DLGAP1: variants seen among roughly 807,000 people sequenced by gnomAD.
DLGAP1 encodes the protein DLG associated protein 1.
Under a neutral mutation model 90.8 loss-of-function variants are expected in DLGAP1, and 11 were observed. That is an observed-to-expected ratio of 0.12 (90% CI 0.08 to 0.20). DLGAP1 has a LOEUF of 0.20. Ranked by LOEUF, DLGAP1 falls within the 10% of genes least tolerant of loss-of-function variation. DLGAP1 has a pLI of 1.00. For missense variants in DLGAP1, 1,050 were observed against 1,333.8 expected (o/e 0.79, Z 3.31); for synonymous variants, 558 against 540.7 (o/e 1.03, Z -0.44).
intron 4 of DLGAP1, among the ~76,000 whole-genome samples, chr18:3,840,840 C>A (rs532255735): frequency 6.6e-6 from 1 of 152,200 alleles, no homozygotes; most frequent in Non-Finnish European, 1.5e-5. Flanking sequence ...AAAGAGCATT[C>A]AAATCTAGGT....
intron 4 of DLGAP1, among the ~76,000 whole-genome samples, chr18:3,828,703 T>C (rs1433861426): frequency 6.6e-6 from 1 of 150,424 alleles, no homozygotes; most frequent in African/African-American, 2.4e-5. Context: ...AAAAAAACTT[T>C]CAAGAACAAT....
intron 1 of DLGAP1, among the ~76,000 whole-genome samples, chr18:4,205,205 G>A (rs180951752): frequency 2.6e-5 from 4 of 152,174 alleles, no homozygotes; most frequent in East Asian, 1.9e-4. Flanking sequence ...AGATGTTCTC[G>A]GGAGGTTAAG....
At chr18:4,071,931 G>A (rs1333126646) in intron 2 of DLGAP1, among the ~76,000 whole-genome samples, 5 of 152,176 alleles carry the variant, frequency 3.3e-5, no homozygotes, top group African/African-American at 9.7e-5. Context: ...AGGAGTTTCA[G>A]TTAGACTTAT....
At chr18:4,253,416 T>A (rs2078823601) in intron 1 of DLGAP1, among the ~76,000 whole-genome samples, 1 of 152,196 alleles carries the variant, frequency 6.6e-6, no homozygotes, top group Admixed American at 6.5e-5. Context: ...TTTATTTATT[T>A]TATATATGTT....
In DLGAP1 at chr18:3,797,359, GCT is replaced by G. The variant is rs35122272; in HGVS notation, c.1172+16698_1172+16699del. 2.7e-3 allele frequency among the ~76,000 whole-genome samples: 413 copies of G among 151,730 alleles called. 9 individuals carry two copies. The highest frequency in any genetic ancestry group is 0.024 in the Admixed American group (359 of 15,230). On this transcript the variant is annotated intron_variant, in intron 5 of 12. Transcript: ENST00000315677. ...AAAAAAAGAAGAAGAACACTCAAGA[GCT>G]CTCTCTCTGTCTGCCACGTCAAGAC...
intron 1 of DLGAP1, among the ~76,000 whole-genome samples, chr18:4,200,448 CAA>C (rs2077587243): frequency 6.6e-6 from 1 of 151,628 alleles, no homozygotes; most frequent in Non-Finnish European, 1.5e-5. Context: ...TCTACCTTGT[CAA>C]GTTACCAACA....
At chr18:3,641,664 T>C (rs1381533111) in intron 7 of DLGAP1, among the ~76,000 whole-genome samples, 3 of 151,474 alleles carry the variant, frequency 2.0e-5, no homozygotes, top group African/African-American at 7.3e-5. Flanking sequence ...AGTAGATTGG[T>C]TTTTCTGTAA....
intron 1 of DLGAP1, among the ~76,000 whole-genome samples, chr18:4,215,690 C>G (rs1413402607): frequency 3.9e-5 from 6 of 152,062 alleles, no homozygotes; most frequent in Non-Finnish European, 8.8e-5. Context: ...TTTGGGGCAT[C>G]CTTACTATGC....
chr18:4,116,472 C>T (rs2076065675), intron 2 of DLGAP1, among the ~76,000 whole-genome samples: 1 of 152,036 alleles, frequency 6.6e-6, no homozygotes, highest in Non-Finnish European at 1.5e-5. Context: ...TCTGGCACTT[C>T]TATTATGCAT....
At chr18:3,876,151 C>A (rs774221196) in intron 4 of DLGAP1, among the ~76,000 whole-genome samples, 3 of 152,106 alleles carry the variant, frequency 2.0e-5, no homozygotes, top group Non-Finnish European at 2.9e-5. Flanking sequence ...CTAACCCTAT[C>A]TTCCTCAGCA....
At chr18:3,979,145 ATGG>A (rs898352758) in intron 3 of DLGAP1, among the ~76,000 whole-genome samples, 2 of 152,218 alleles carry the variant, frequency 1.3e-5, no homozygotes, top group African/African-American at 4.8e-5. Context: ...AAAAACCACT[ATGG>A]TCATGCACCA....
At chr18:3,541,273 AAAG>A (rs766842426) in intron 9 of DLGAP1, among the ~76,000 whole-genome samples, 4 of 152,310 alleles carry the variant, frequency 2.6e-5, no homozygotes, top group East Asian at 1.9e-4. Context: ...TGGCAGAAAG[AAAG>A]AAGAAGGGAA....
At position 4,088,901 on chromosome 18, in the gene DLGAP1, A is replaced by ATG. The variant is rs549506896; in HGVS notation, c.-159+62277_-159+62278dup. On this transcript the variant is annotated intron_variant, in intron 2 of 12. Transcript: ENST00000315677. ...CCTTGAAAACTGGCACAAGACAAGG[A>ATG]TGCCCTCTCTCACCACTCCTATTCA... Among the ~76,000 whole-genome samples, 107 of 152,324 alleles carry ATG rather than the reference A, an allele frequency of 7.0e-4. 2 individuals are homozygous for ATG. Among genetic ancestry groups the ATG allele is most frequent in the South Asian group, 6.2e-3 (30 of 4,822 alleles).
At chr18:3,868,553 T>C (rs1050664977) in intron 4 of DLGAP1, among the ~76,000 whole-genome samples, 2 of 152,222 alleles carry the variant, frequency 1.3e-5, no homozygotes, top group Non-Finnish European at 2.9e-5. Flanking sequence ...GTCCATAGGA[T>C]GATCTCTATC....
At chr18:4,020,874 G>A (rs2074597370) in intron 2 of DLGAP1, among the ~76,000 whole-genome samples, 1 of 152,162 alleles carries the variant, frequency 6.6e-6, no homozygotes, top group African/African-American at 2.4e-5. Flanking sequence ...CATTACTGTT[G>A]TAAACCCTAA....
intron 2 of DLGAP1, among the ~76,000 whole-genome samples, chr18:4,040,648 C>T (rs2074960389): frequency 6.6e-6 from 1 of 152,188 alleles, no homozygotes; most frequent in African/African-American, 2.4e-5. Context: ...GGACTCATTT[C>T]AGCCAAGGTA....
intron 1 of DLGAP1, among the ~76,000 whole-genome samples, chr18:4,270,037 A>G (rs1317437398): frequency 6.6e-6 from 1 of 152,222 alleles, no homozygotes; most frequent in East Asian, 1.9e-4. Flanking sequence ...TTACAGTAGC[A>G]TAGTTTAAAT....
At chr18:3,631,147 A>AT (rs796807690) in intron 7 of DLGAP1, among the ~76,000 whole-genome samples, 1,619 of 142,024 alleles carry the variant, frequency 0.011, 33 homozygotes, top group African/African-American at 0.037. Flanking sequence ...CGCCCAGTTA[A>AT]TTTTTTTTTT....
intron 1 of DLGAP1, among the ~76,000 whole-genome samples, chr18:4,276,746 A>T (rs1016481612): frequency 6.6e-6 from 1 of 152,198 alleles, no homozygotes. Context: ...TCTATTTTTT[A>T]TGCATAAGGT....
Sources: allele counts gnomAD v4.1 joint callset (sites outside exome capture counted in the v4.1 genomes callset), GRCh38; gene constraint gnomAD v4.1.1; transcripts MANE v1.5; gene names NCBI Gene and HGNC (gene_info 2026-07-23, HGNC 2026-07-21).